Variants in SLC35F3 observed in about 807,000 individuals in gnomAD.
SLC35F3 encodes putative thiamine transporter SLC35F3.
Under a neutral mutation model 49.9 loss-of-function variants are expected in SLC35F3, and 25 were observed. The observed-to-expected ratio is 0.50, with a 90% confidence interval of 0.37 to 0.70. SLC35F3 has a LOEUF of 0.70. Among genes scored for constraint, SLC35F3 ranks in the 30% least tolerant of loss-of-function variants. The probability of loss-of-function intolerance (pLI) is 0.00; values close to 1 mark genes in which losing one functional copy is unlikely to be tolerated. For synonymous variants in SLC35F3, 275 were observed against 265.4 expected (o/e 1.04, Z -0.35); for missense variants, 525 against 639.8 (o/e 0.82, Z 1.94).
intron 2 of SLC35F3, among the ~76,000 whole-genome samples, chr1:234,204,142 T>TA (rs1219845084): frequency 6.6e-6 from 1 of 152,178 alleles, no homozygotes; most frequent in East Asian, 1.9e-4. Flanking sequence ...ATTTCCAGTG[T>TA]ATTAATAGCA....
At chr1:234,142,453 C>T (rs1024733531) in intron 2 of SLC35F3, among the ~76,000 whole-genome samples, 1 of 152,146 alleles carries the variant, frequency 6.6e-6, no homozygotes, top group Non-Finnish European at 1.5e-5. Context: ...GTGGAGAGGG[C>T]TGCTGCAGTG....
intron 2 of SLC35F3, among the ~76,000 whole-genome samples, chr1:234,077,973 TCC>T (rs1664821896): frequency 6.6e-6 from 1 of 152,142 alleles, no homozygotes; most frequent in African/African-American, 2.4e-5. Context: ...ACTTCAGCTC[TCC>T]ACCACTGAGT....
At chr1:234,170,251 G>A (rs1359299832) in intron 2 of SLC35F3, among the ~76,000 whole-genome samples, 2 of 152,202 alleles carry the variant, frequency 1.3e-5, no homozygotes, top group Non-Finnish European at 2.9e-5. Flanking sequence ...GAGCTTCACA[G>A]ATGGCCTGAC....
chr1:234,146,483 T>TTTA (rs1665998330), intron 2 of SLC35F3, among the ~76,000 whole-genome samples: 1 of 114,658 alleles, frequency 8.7e-6, no homozygotes, highest in East Asian at 3.0e-4. Context: ...TATTTGCTCT[T>TTTA]TTTTTTTTTT....
In SLC35F3 at chr1:234,229,096, C is replaced by T. The variant is rs572974712; in HGVS notation, c.284-2321C>T. ...AGAGCACAGTAGTCCCTACCACAGG[C>T]GTTACACATTTAAATAATATGGGAA... On this transcript the variant is annotated intron_variant, in intron 2 of 7. Coordinates refer to ENST00000366618, the MANE Select transcript of SLC35F3 (RefSeq NM_173508.4). Among the ~76,000 whole-genome samples, 37 of 152,204 alleles carry T rather than the reference C, an allele frequency of 2.4e-4. No homozygotes were observed. The South Asian group carries it at 3.5e-3, about 15-fold the overall frequency.
At chr1:234,014,829 G>C (rs1663778211) in intron 2 of SLC35F3, among the ~76,000 whole-genome samples, 1 of 151,962 alleles carries the variant, frequency 6.6e-6, no homozygotes, top group South Asian at 2.1e-4. Flanking sequence ...ATTATAAAAG[G>C]CACAAGTAAA....
chr1:233,935,189 C>CTTTTTTTTTTTTTTTT lies in SLC35F3; in HGVS notation c.283+29444_283+29459dup, dbSNP rs35418747. 2.0e-3 allele frequency among the ~76,000 whole-genome samples: 102 copies of CTTTTTTTTTTTTTTTT among 50,308 alleles called. 23 individuals carry two copies. Among genetic ancestry groups the CTTTTTTTTTTTTTTTT allele is most frequent in the Admixed American group, 2.2e-3 (6 of 2,714 alleles). 33.0% of individuals were successfully genotyped at this position (50,308 alleles called of 152,430 possible). On this transcript the variant is annotated intron_variant, in intron 2 of 7. Coordinates refer to ENST00000366618, the MANE Select transcript of SLC35F3 (RefSeq NM_173508.4). ...CACAATGAGCTGGGTTTTCCTTGCCCTTTTTTTTTTTTTTTTTTTTTTTTT... is the reference window on the plus strand; with the variant it reads ...CACAATGAGCTGGGTTTTCCTTGCCCTTTTTTTTTTTTTTTTTTTTTTTTTTTTTTTTTTTTTTTTT...
At chr1:234,143,288 C>CTTTTCTTT (rs1478216426) in intron 2 of SLC35F3, among the ~76,000 whole-genome samples, 10,951 of 122,800 alleles carry the variant, frequency 0.089, 832 homozygotes, top group East Asian at 0.4. Context: ...CTTTTCTTTT[C>CTTTTCTTT]TTTTTTTTTT....
At chr1:234,037,933 T>TTTTTG (rs1285020611) in intron 2 of SLC35F3, among the ~76,000 whole-genome samples, 5 of 152,222 alleles carry the variant, frequency 3.3e-5, no homozygotes, top group African/African-American at 4.8e-5. Flanking sequence ...AGACTGTGTG[T>TTTTTG]TTTTGTTTTG....
intron 3 of SLC35F3, among the ~76,000 whole-genome samples, chr1:234,232,908 G>A (rs1373114069): frequency 6.6e-6 from 1 of 152,130 alleles, no homozygotes. Context: ...TGTTCAGAGG[G>A]AATTCTGGCT....
chr1:234,313,123 C>T (rs1657400710), intron 4 of SLC35F3, among the ~76,000 whole-genome samples: 2 of 152,250 alleles, frequency 1.3e-5, no homozygotes, highest in African/African-American at 4.8e-5. Context: ...GAAATCTGCC[C>T]GCCTCAGCCT....
At chr1:234,084,950 A>G (rs777425365) in intron 2 of SLC35F3, among the ~76,000 whole-genome samples, 17 of 152,248 alleles carry the variant, frequency 1.1e-4, no homozygotes, top group South Asian at 4.1e-4. Context: ...AGTGGATTCA[A>G]CCATTAAAAG....
At chr1:234,302,321 TAGG>T (rs1297587331) in intron 3 of SLC35F3, among the ~76,000 whole-genome samples, 2 of 152,094 alleles carry the variant, frequency 1.3e-5, no homozygotes, top group Non-Finnish European at 2.9e-5. Flanking sequence ...GTCAACAATG[TAGG>T]AGGTTTCTCA....
chr1:233,968,564 T>C (rs1306638396), intron 2 of SLC35F3, among the ~76,000 whole-genome samples: 2 of 152,098 alleles, frequency 1.3e-5, no homozygotes, highest in South Asian at 2.1e-4. Flanking sequence ...CTTGGCTCAC[T>C]GCAACCTCTG....
chr1:233,986,462 A>G (rs1247877945), intron 2 of SLC35F3, among the ~76,000 whole-genome samples: 3 of 152,208 alleles, frequency 2.0e-5, no homozygotes, highest in Non-Finnish European at 4.4e-5. Context: ...TGATTTGTGC[A>G]TCAACATCTA....
chr1:234,099,805 G>A (rs1665188168), intron 2 of SLC35F3, among the ~76,000 whole-genome samples: 1 of 152,130 alleles, frequency 6.6e-6, no homozygotes, highest in Non-Finnish European at 1.5e-5. Context: ...ATCTAGTGGA[G>A]AAGAATGAAA....
intron 3 of SLC35F3, among the ~76,000 whole-genome samples, chr1:234,267,659 C>T (rs1379724843): frequency 2.0e-5 from 3 of 151,340 alleles, no homozygotes; most frequent in South Asian, 2.1e-4. Context: ...CCCTCCCGGA[C>T]GGGGCGGCTG....
intron 2 of SLC35F3, among the ~76,000 whole-genome samples, chr1:234,063,985 G>C (rs1444079571): frequency 2.6e-5 from 4 of 152,158 alleles, no homozygotes; most frequent in African/African-American, 7.2e-5. Context: ...ACTGCACCTG[G>C]AATGAAATCT....
chr1:234,153,957 G>C (rs1204616800), intron 2 of SLC35F3, among the ~76,000 whole-genome samples: 1 of 152,148 alleles, frequency 6.6e-6, no homozygotes, highest in African/African-American at 2.4e-5. Context: ...CAGGTACTCG[G>C]GAGGCTGAGG....
Sources: allele counts gnomAD v4.1 joint callset (sites outside exome capture counted in the v4.1 genomes callset), GRCh38; gene constraint gnomAD v4.1.1; transcripts MANE v1.5; gene names NCBI Gene and HGNC (gene_info 2026-07-23, HGNC 2026-07-21).